The following WDR19 variants were observed in gnomAD, a reference collection of about 807,000 sequenced individuals.
The protein encoded by WDR19 is WD repeat-containing protein 19.
A neutral mutation model predicts 180.0 loss-of-function variants in WDR19; 121 were observed. The ratio of observed to expected loss-of-function variants is 0.67; its 90% CI spans 0.58 to 0.78. The LOEUF (loss-of-function observed/expected upper bound fraction) is 0.78. WDR19 is among the 30% of genes least tolerant of loss of function. The probability of loss-of-function intolerance (pLI) is 0.00; values close to 1 mark genes in which losing one functional copy is unlikely to be tolerated. For missense variants in WDR19, 1,450 were observed against 1,640.7 expected (o/e 0.88, Z 2.01); for synonymous variants, 497 against 540.7 (o/e 0.92, Z 1.12).
intron 28 of WDR19, among the ~76,000 whole-genome samples, chr4:39,259,017 G>A (rs966671297): frequency 1.6e-4 from 24 of 152,116 alleles, no homozygotes; most frequent in African/African-American, 5.3e-4. Flanking sequence ...GTAGTGGGCC[G>A]AGACTGTGCC....
intron 9 of WDR19, among the ~76,000 whole-genome samples, chr4:39,211,969 GAGAGAGAGAGAGAGA>G (rs1232164846): frequency 6.4e-5 from 6 of 93,048 alleles, no homozygotes; most frequent in Admixed American, 1.9e-4. Context: ...GAGAGAGAGA[GAGAGAGAGAGAGAGA>G]GATAGATAGA....
intron 36 of WDR19, among the ~76,000 whole-genome samples, chr4:39,280,569 C>T (rs1221571168): frequency 6.6e-6 from 1 of 151,944 alleles, no homozygotes; most frequent in Non-Finnish European, 1.5e-5. Flanking sequence ...GCAGGAGGAT[C>T]ACTTGAGTCT....
chr4:39,205,532 G>T, intron 8 of WDR19, 31 bp from the exon 9 acceptor site: 1 of 1,594,018 alleles, frequency 6.3e-7, no homozygotes, highest in Non-Finnish European at 8.6e-7. Flanking sequence ...TAATCTCCTT[G>T]TTTACCATAT....
chr4:39,194,450 T>C, intron 4 of WDR19, 94 bp from the exon 5 acceptor site: 1 of 709,754 alleles, frequency 1.4e-6, no homozygotes. Context: ...GGCTTCTAAG[T>C]AGATGTTAAA....
intron 9 of WDR19, among the ~76,000 whole-genome samples, chr4:39,209,604 C>T (rs373316399): frequency 2.2e-3 from 328 of 150,948 alleles, no homozygotes; most frequent in African/African-American, 7.3e-3. Context: ...CCCAGCTACT[C>T]GGGAGGCTGA....
chr4:39,243,944 A>G (rs1382392990), intron 21 of WDR19, among the ~76,000 whole-genome samples: 1 of 152,218 alleles, frequency 6.6e-6, no homozygotes, highest in Non-Finnish European at 1.5e-5. Flanking sequence ...TTTATGCTAT[A>G]TAGCCAGTAT....
intron 24 of WDR19, among the ~76,000 whole-genome samples, chr4:39,247,432 C>G (rs1323205300): frequency 6.6e-6 from 1 of 152,150 alleles, no homozygotes; most frequent in Admixed American, 6.5e-5. Context: ...ACCGGAAACT[C>G]TAAAAATCAG....
chr4:39,270,957 C>T (rs1248183192), intron 31 of WDR19, among the ~76,000 whole-genome samples: 1 of 150,134 alleles, frequency 6.7e-6, no homozygotes, highest in Admixed American at 6.6e-5. Context: ...TGCAGTGGCC[C>T]GATCTTGGCT....
intron 12 of WDR19, 33 bp downstream of exon 12, chr4:39,216,243 A>G (rs949588672): frequency 2.7e-6 from 4 of 1,487,766 alleles, no homozygotes; most frequent in Non-Finnish European, 3.6e-6. Context: ...ATTCTTATCT[A>G]GCACATAATT....
chr4:39,278,713 T>C, intron 36 of WDR19, 50 bp downstream of exon 36: 1 of 1,124,402 alleles, frequency 8.9e-7, no homozygotes, highest in Non-Finnish European at 1.3e-6. Flanking sequence ...GCCCACAGCG[T>C]GCACGCAGCT....
intron 24 of WDR19, among the ~76,000 whole-genome samples, chr4:39,250,513 T>C (rs1439382294): frequency 6.6e-6 from 1 of 152,028 alleles, no homozygotes; most frequent in East Asian, 1.9e-4. Flanking sequence ...CCAGGGCAAT[T>C]AGGCAGGAGA....
In WDR19 at chr4:39,244,276, T is replaced by A. The variant is rs749621367; in HGVS notation, c.2450T>A (p.Val817Glu). ...KEHDEACLAG[V>E]AQMSIRMGDI... ...CATGATGAAGCTTGTCTGGCTGGAG[T>A]GGCCCAGATGTCCATAAGAATGGGA... The change falls in exon 22 of 37, where the codon GTG (valine) becomes GAG (glutamate). Residue 817 changes from valine (V) to glutamate (E), a missense_variant. Coordinates refer to ENST00000399820, the MANE Select transcript of WDR19 (RefSeq NM_025132.4). 6.2e-6 allele frequency: 10 copies of A among 1,613,088 alleles called. No individual in the cohort carries two copies. Among genetic ancestry groups the A allele is most frequent in the Middle Eastern group, 1.7e-4 (1 of 6,010 alleles).
chr4:39,283,473 T>C (rs1420894512), intron 36 of WDR19, among the ~76,000 whole-genome samples: 2 of 152,146 alleles, frequency 1.3e-5, no homozygotes, highest in African/African-American at 4.8e-5. Context: ...TATCCACTTT[T>C]TGTTCAGTTC....
intron 24 of WDR19, 49 bp from the exon 25 acceptor site, chr4:39,253,097 C>T (rs1560540796): frequency 1.3e-6 from 2 of 1,508,840 alleles, no homozygotes; most frequent in South Asian, 1.4e-5. Context: ...ACATTTTCTC[C>T]CCAAATTGAC....
intron 24 of WDR19, among the ~76,000 whole-genome samples, chr4:39,249,448 A>T (rs1308374356): frequency 1.3e-5 from 2 of 152,192 alleles, no homozygotes; most frequent in Non-Finnish European, 1.5e-5. Flanking sequence ...GAGAAGCAAG[A>T]GCAAACACAT....
intron 26 of WDR19, 107 bp downstream of exon 26, chr4:39,254,137 T>C: frequency 8.8e-7 from 1 of 1,141,792 alleles, no homozygotes; most frequent in African/African-American, 1.6e-5. Context: ...ATGCGCCTGG[T>C]GTAAATGTTT....
chr4:39,270,279 G>C (rs1336263686), intron 31 of WDR19, among the ~76,000 whole-genome samples, 179 bp downstream of exon 31: 1 of 152,214 alleles, frequency 6.6e-6, no homozygotes, highest in African/African-American at 2.4e-5. Context: ...TGAGGCACGG[G>C]GCAGGAGGCA....
chr4:39,238,660 T>TCC (rs1731603575), intron 20 of WDR19, among the ~76,000 whole-genome samples: 1 of 152,194 alleles, frequency 6.6e-6, no homozygotes, highest in African/African-American at 2.4e-5. Flanking sequence ...AAAAGAAATT[T>TCC]CTCAACTGCA....
At chr4:39,276,796 G>A (rs376568375) in intron 33 of WDR19, among the ~76,000 whole-genome samples, 2 of 152,098 alleles carry the variant, frequency 1.3e-5, no homozygotes, top group African/African-American at 2.4e-5. Context: ...GTTCCCAAAG[G>A]TGGCCCATGT....
Sources: allele counts gnomAD v4.1 joint callset (sites outside exome capture counted in the v4.1 genomes callset), GRCh38; gene constraint gnomAD v4.1.1; transcripts MANE v1.5; gene names NCBI Gene and HGNC (gene_info 2026-07-23, HGNC 2026-07-21).